The following PTPRD variants were observed in gnomAD, a reference collection of about 807,000 sequenced individuals.
The protein encoded by PTPRD is protein tyrosine phosphatase receptor type D.
PTPRD carries 34 observed loss-of-function variants against 214.5 expected under a neutral mutation model. The ratio of observed to expected loss-of-function variants is 0.16; its 90% CI spans 0.12 to 0.21. The LOEUF (loss-of-function observed/expected upper bound fraction) is 0.21. Among genes scored for constraint, PTPRD ranks in the 10% least tolerant of loss-of-function variants. The pLI is 1.00. For synonymous variants in PTPRD, 1,128 were observed against 845.7 expected (o/e 1.33, Z -5.79); for missense variants, 2,545 against 2,398.7 (o/e 1.06, Z -1.27).
intron 14 of PTPRD, among the ~76,000 whole-genome samples, chr9:8,594,368 C>G (rs1471953177): frequency 3.3e-5 from 5 of 152,260 alleles, no homozygotes; most frequent in African/African-American, 9.6e-5. Flanking sequence ...TCAAAGATCT[C>G]CTAAGAATCT....
At chr9:9,298,337 T>A (rs1413977156) in intron 9 of PTPRD, among the ~76,000 whole-genome samples, 3 of 151,698 alleles carry the variant, frequency 2.0e-5, no homozygotes, top group African/African-American at 2.4e-5. Context: ...ATATGCTGAT[T>A]CCCTGGAATG....
At chr9:9,492,053 GT>G (rs1345129311) in intron 8 of PTPRD, among the ~76,000 whole-genome samples, 1 of 151,710 alleles carries the variant, frequency 6.6e-6, no homozygotes, top group Non-Finnish European at 1.5e-5. Flanking sequence ...AGAAATGAAA[GT>G]GGGGGCATTA....
rs1159196022 is a variant in PTPRD, at chr9:8,895,262, A to G, written c.-104+123435T>C. 2.6e-5 allele frequency among the ~76,000 whole-genome samples: 4 copies of G among 152,188 alleles called. No homozygotes were observed. In the South Asian group the frequency reaches 8.3e-4, roughly 31 times the overall value. On this transcript the variant is annotated intron_variant, in intron 11 of 45. Transcript: ENST00000381196. ...CAAAGCCTCTATGAGACTATTTTAT[A>G]AGATACACCAGGATAAGATCAAAGC... is the stretch of plus-strand genomic sequence containing the variant.
At chr9:8,335,626 T>C (rs1218088756) in intron 43 of PTPRD, among the ~76,000 whole-genome samples, 1 of 152,190 alleles carries the variant, frequency 6.6e-6, no homozygotes, top group Non-Finnish European at 1.5e-5. Context: ...CAACACAGTA[T>C]TGGAAGTTCT....
intron 9 of PTPRD, among the ~76,000 whole-genome samples, chr9:9,359,151 A>G (rs768616992): frequency 2.2e-4 from 33 of 151,342 alleles, no homozygotes; most frequent in Non-Finnish European, 4.4e-4. Flanking sequence ...CCTTCATTGT[A>G]TGAACCTAAT....
chr9:9,534,993 C>A (rs146142241), intron 8 of PTPRD, among the ~76,000 whole-genome samples: 1 of 152,174 alleles, frequency 6.6e-6, no homozygotes, highest in East Asian at 1.9e-4. Context: ...ATGAATTTTA[C>A]AGACTAAATG....
At chr9:9,725,050 G>A (rs1281813540) in intron 7 of PTPRD, among the ~76,000 whole-genome samples, 1 of 152,134 alleles carries the variant, frequency 6.6e-6, no homozygotes, top group Admixed American at 6.6e-5. Context: ...GACTGCATAA[G>A]TGGGGAGAGC....
At chr9:9,417,818 T>C (rs1011055791) in intron 8 of PTPRD, among the ~76,000 whole-genome samples, 1 of 152,064 alleles carries the variant, frequency 6.6e-6, no homozygotes, top group Non-Finnish European at 1.5e-5. Flanking sequence ...CAGGATTAAA[T>C]AAAATATTGT....
At chr9:10,253,776 T>C (rs1256081948) in intron 3 of PTPRD, among the ~76,000 whole-genome samples, 1 of 152,188 alleles carries the variant, frequency 6.6e-6, no homozygotes, top group Non-Finnish European at 1.5e-5. Flanking sequence ...TATATGTATA[T>C]TGCAATAGGC....
At chr9:9,487,823 C>G (rs2095715647) in intron 8 of PTPRD, among the ~76,000 whole-genome samples, 1 of 152,066 alleles carries the variant, frequency 6.6e-6, no homozygotes, top group Admixed American at 6.6e-5. Context: ...AGGGTCAAAA[C>G]TAAGTAATAT....
chr9:9,783,341 T>C (rs2098877808), intron 5 of PTPRD, among the ~76,000 whole-genome samples: 1 of 152,164 alleles, frequency 6.6e-6, no homozygotes, highest in African/African-American at 2.4e-5. Flanking sequence ...TCTGAGCTAA[T>C]AATTGGACTA....
At chr9:10,482,285 G>T (rs539700946) in intron 2 of PTPRD, among the ~76,000 whole-genome samples, 2 of 151,874 alleles carry the variant, frequency 1.3e-5, no homozygotes, top group South Asian at 2.1e-4. Flanking sequence ...GCAGGAGAAT[G>T]GCATGAACCC....
chr9:10,456,049 G>T (rs186408801), intron 2 of PTPRD, among the ~76,000 whole-genome samples: 4 of 151,908 alleles, frequency 2.6e-5, no homozygotes, highest in Non-Finnish European at 5.9e-5. Flanking sequence ...CTAGAACCAA[G>T]TAGAAAGAAG....
intron 10 of PTPRD, among the ~76,000 whole-genome samples, chr9:9,160,394 A>G (rs751452692): frequency 6.6e-6 from 1 of 152,178 alleles, no homozygotes; most frequent in Admixed American, 6.5e-5. Flanking sequence ...CATTTTTCAG[A>G]AGAAGACAAA....
At chr9:10,097,593 C>A (rs909552367) in intron 3 of PTPRD, among the ~76,000 whole-genome samples, 1 of 151,596 alleles carries the variant, frequency 6.6e-6, no homozygotes, top group African/African-American at 2.4e-5. Context: ...GATTTTGTAT[C>A]CTGAGACTTT....
At chr9:10,375,354 T>C (rs564252666) in intron 2 of PTPRD, among the ~76,000 whole-genome samples, 1 of 152,140 alleles carries the variant, frequency 6.6e-6, no homozygotes, top group Non-Finnish European at 1.5e-5. Context: ...CTTTTTACTG[T>C]CTACGTTATT....
intron 12 of PTPRD, among the ~76,000 whole-genome samples, chr9:8,673,219 C>T (rs2097325154): frequency 6.6e-6 from 1 of 151,890 alleles, no homozygotes; most frequent in African/African-American, 2.4e-5. Context: ...GGAAAACACA[C>T]ACATACGCAC....
At chr9:8,360,659 TAC>T (rs1252602510) in intron 39 of PTPRD, among the ~76,000 whole-genome samples, 1 of 152,236 alleles carries the variant, frequency 6.6e-6, no homozygotes, top group Non-Finnish European at 1.5e-5. Context: ...TATTTATATA[TAC>T]ATTTTATTGA....
At chr9:8,412,849 CA>C (rs1191205349) in intron 35 of PTPRD, among the ~76,000 whole-genome samples, 1 of 152,028 alleles carries the variant, frequency 6.6e-6, no homozygotes, top group African/African-American at 2.4e-5. Context: ...GCAGAGACAA[CA>C]AAAAAGAGCA....
Sources: allele counts gnomAD v4.1 joint callset (sites outside exome capture counted in the v4.1 genomes callset), GRCh38; gene constraint gnomAD v4.1.1; transcripts MANE v1.5; gene names NCBI Gene and HGNC (gene_info 2026-07-23, HGNC 2026-07-21).